Variants in CDH23 observed in about 807,000 individuals in gnomAD.
CDH23 encodes cadherin related 23, also known as cadherin-23.
Under a neutral mutation model 317.1 loss-of-function variants are expected in CDH23, and 189 were observed. The ratio of observed to expected loss-of-function variants is 0.60; its 90% CI spans 0.53 to 0.67. CDH23 has a LOEUF of 0.67. Among genes scored for constraint, CDH23 ranks in the 30% least tolerant of loss-of-function variants. The pLI is 0.00. For missense variants in CDH23, 4,401 were observed against 4,592.4 expected (o/e 0.96, Z 1.20); for synonymous variants, 1,839 against 1,876.8 (o/e 0.98, Z 0.52).
At chr10:71,562,464 G>A (rs868023062) in intron 6 of CDH23, among the ~76,000 whole-genome samples, 1 of 152,218 alleles carries the variant, frequency 6.6e-6, no homozygotes, top group Non-Finnish European at 1.5e-5. Flanking sequence ...GCCCTCATTA[G>A]CAGTCCAGGA....
chr10:71,722,370 C>T (rs1000205935), intron 28 of CDH23, among the ~76,000 whole-genome samples: 4 of 152,188 alleles, frequency 2.6e-5, no homozygotes, highest in Admixed American at 1.3e-4. Flanking sequence ...AAACAGGGAG[C>T]GAGGCACAGA....
At chr10:71,463,693 C>A (rs1427698949) in intron 3 of CDH23, among the ~76,000 whole-genome samples, 2 of 152,198 alleles carry the variant, frequency 1.3e-5, no homozygotes, top group East Asian at 3.9e-4. Flanking sequence ...GTGTGAAGTT[C>A]CCTGGGTGTC....
intron 6 of CDH23, among the ~76,000 whole-genome samples, chr10:71,523,907 C>T (rs1326498981): frequency 2.0e-5 from 3 of 152,232 alleles, no homozygotes; most frequent in Non-Finnish European, 4.4e-5. Flanking sequence ...TGTATTCCTG[C>T]ACCTCCACCT....
At chr10:71,748,805 C>T (rs553179847) in intron 38 of CDH23, 8 of 152,842 alleles carry the variant, frequency 5.2e-5, no homozygotes, top group East Asian at 1.9e-4. Flanking sequence ...ACTCAGAGGG[C>T]GGCTCCAGCA....
intron 9 of CDH23, among the ~76,000 whole-genome samples, chr10:71,597,036 C>T (rs1589248144): frequency 6.6e-6 from 1 of 152,190 alleles, no homozygotes; most frequent in South Asian, 2.1e-4. Flanking sequence ...TTATGGAGGT[C>T]GCCTCTGTCC....
chr10:71,815,475 C>A lies in CDH23; in HGVS notation c.*197C>A. ...ACGCTCATTCAGCATCTGACCTCTA[C>A]CTTCATAAGATCTGTTATTTTTATA... On this transcript the variant is annotated 3_prime_UTR_variant, in exon 70 of 70. Transcript: ENST00000224721. 1 of 494,762 alleles carries A rather than the reference C, an allele frequency of 2.0e-6. No individual in the cohort carries two copies. The highest frequency in any genetic ancestry group is 3.6e-6 in the Non-Finnish European group (1 of 280,804). The allele number at this position is 494,762 out of a possible 1,614,324, so 30.6% of individuals were successfully genotyped here.
intron 38 of CDH23, chr10:71,761,816 T>C (rs761471586): frequency 1.9e-6 from 3 of 1,613,868 alleles, no homozygotes; most frequent in African/African-American, 2.7e-5. Context: ...ATGGTGCAGG[T>C]GAAGGTCCTG....
chr10:71,572,617 G>T (rs1341516361), intron 8 of CDH23, among the ~76,000 whole-genome samples: 8 of 152,072 alleles, frequency 5.3e-5, no homozygotes, highest in Non-Finnish European at 1.5e-5. Context: ...GCCTGCTCTT[G>T]TCGCCAGCCC....
intron 18 of CDH23, among the ~76,000 whole-genome samples, chr10:71,685,115 T>A (rs542301712): frequency 6.6e-6 from 1 of 152,290 alleles, no homozygotes; most frequent in African/African-American, 2.4e-5. Context: ...CCTATCCACA[T>A]ATGACTGAGA....
At chr10:71,804,549 T>G (rs1589432541) in intron 55 of CDH23, among the ~76,000 whole-genome samples, 1 of 152,204 alleles carries the variant, frequency 6.6e-6, no homozygotes. Flanking sequence ...CTCTTTGAGG[T>G]CCTGCGGGAG....
chr10:71,675,414 A>G (rs1185644543), intron 15 of CDH23, among the ~76,000 whole-genome samples: 1 of 152,158 alleles, frequency 6.6e-6, no homozygotes, highest in Non-Finnish European at 1.5e-5. Context: ...CCCTCAAAAG[A>G]TAGCCTTTAG....
In CDH23 at chr10:71,682,533, C is replaced by A; in HGVS notation, c.1947C>A (p.Pro649=). 4 of 1,613,758 alleles carry A rather than the reference C, an allele frequency of 2.5e-6. No homozygotes were observed. Among genetic ancestry groups the A allele is most frequent in the Non-Finnish European group, 3.4e-6 (4 of 1,179,788 alleles). The change falls in exon 18 of 70, where the codon CCC becomes CCA. Residue 649 remains proline, a synonymous_variant. Transcript: ENST00000224721. Reference sequence around the variant, plus strand: ...TCATGGCCATGGATGCTGGCAACCCCCCTCTCAACAGCACCGTCCCTGTCA... The same window carrying A: ...TCATGGCCATGGATGCTGGCAACCCACCTCTCAACAGCACCGTCCCTGTCA... ...LTVMAMDAGN[P]PLNSTVPVTI...
chr10:71,799,208 T>C lies in CDH23; in HGVS notation c.7152T>C (p.Ala2384=). The C allele has an allele frequency of 6.2e-7, 1 of 1,610,226 alleles. No individual in the cohort carries two copies. The highest frequency in any genetic ancestry group is 8.5e-7 in the Non-Finnish European group (1 of 1,176,534). The change falls in exon 51 of 70, where the codon GCT becomes GCC. Residue 2384 remains alanine, a synonymous_variant. Transcript: ENST00000224721. The part of the protein sequence containing the change: ...ASDNGSPPRA[A]EIPVYLEIVD... Reference sequence around the variant, plus strand: ...ACAACGGGTCCCCGCCCCGGGCAGCTGAGATCCCTGTCTACCTGGAAATCG... The same window carrying C: ...ACAACGGGTCCCCGCCCCGGGCAGCCGAGATCCCTGTCTACCTGGAAATCG...
chr10:71,499,123 A>G (rs1468245029), intron 3 of CDH23, among the ~76,000 whole-genome samples: 1 of 152,244 alleles, frequency 6.6e-6, no homozygotes, highest in Non-Finnish European at 1.5e-5. Context: ...ATTGAAGATC[A>G]TCATGTTAAG....
intron 3 of CDH23, among the ~76,000 whole-genome samples, chr10:71,476,521 G>T (rs1274903031): frequency 6.6e-6 from 1 of 152,180 alleles, no homozygotes; most frequent in Non-Finnish European, 1.5e-5. Flanking sequence ...AAGATTTGGG[G>T]CTGGAACAGA....
intron 38 of CDH23, among the ~76,000 whole-genome samples, chr10:71,771,220 C>A (rs10762476): frequency 0.13 from 20,062 of 152,160 alleles, 1,616 homozygotes; most frequent in East Asian, 0.28. Context: ...CTGCTGGGTC[C>A]TGGTCCCTAA....
At position 71,439,906 on chromosome 10, in the gene CDH23, C is replaced by T. The variant is rs186548927; in HGVS notation, c.67+8C>T. 959 of 1,566,814 alleles carry T rather than the reference C, an allele frequency of 6.1e-4. No individual in the cohort carries two copies. The highest frequency in any genetic ancestry group is 7.8e-4 in the Non-Finnish European group (897 of 1,154,574). ...TGATCTCTGGATGCTGGGGTAAGTC[C>T]AGTCCTCCCCGTGTCTATCCCATGG... On this transcript the variant is annotated splice_region_variant and intron_variant, in intron 2 of 69. Transcript: ENST00000224721.
intron 14 of CDH23, among the ~76,000 whole-genome samples, chr10:71,653,840 G>A (rs576482360): frequency 2.0e-5 from 3 of 152,276 alleles, no homozygotes; most frequent in East Asian, 1.9e-4. Flanking sequence ...GAAGAGAGAC[G>A]GGGCATTTAA....
intron 14 of CDH23, among the ~76,000 whole-genome samples, chr10:71,661,748 C>CT (rs1863665497): frequency 2.0e-5 from 2 of 99,524 alleles, no homozygotes; most frequent in Admixed American, 9.6e-5. Flanking sequence ...GCGCGCCCTC[C>CT]CACCCTGCGC....
Sources: gnomAD v4.1 joint callset for allele counts (sites outside exome capture counted in the v4.1 genomes callset) on GRCh38, gnomAD v4.1.1 for gene constraint, MANE v1.5 for transcripts, NCBI Gene and HGNC (gene_info 2026-07-23, HGNC 2026-07-21) for gene names.